The following CCND3 variants were observed in gnomAD, a reference collection of about 807,000 sequenced individuals.
CCND3 encodes G1/S-specific cyclin-D3.
In CCND3, 9 loss-of-function variants were observed where a neutral mutation model predicts 28.7. The ratio of observed to expected loss-of-function variants is 0.31; its 90% CI spans 0.19 to 0.55. The LOEUF is 0.55. CCND3 is among the 20% of genes least tolerant of loss of function. The probability of loss-of-function intolerance (pLI) is 0.93; values close to 1 mark genes in which losing one functional copy is unlikely to be tolerated. For synonymous variants in CCND3, 164 were observed against 163.9 expected, an observed-to-expected ratio of 1.00 and a Z score of 0.00; for missense variants, 315 against 385.8, an observed-to-expected ratio of 0.82 and a Z score of 1.54.
chr6:41,937,190 C>T (rs754219667), intron 3 of CCND3, 45 bp downstream of exon 3: 5 of 1,603,936 alleles, frequency 3.1e-6, no homozygotes, highest in Non-Finnish European at 4.3e-6. Context: ...CCTTATAAGT[C>T]TTCTGATTTT....
At chr6:42,046,676 C>G (rs994249067) in intron 1 of CCND3, among the ~76,000 whole-genome samples, 2 of 152,182 alleles carry the variant, frequency 1.3e-5, no homozygotes, top group African/African-American at 2.4e-5. Flanking sequence ...ACACAGCCAT[C>G]AGGAAAGGAT....
Position 41,936,149 on chromosome 6 carries a change from A to G in CCND3, c.712-42T>C. On this transcript the variant is annotated intron_variant, in intron 4 of 4. Coordinates refer to ENST00000372991, the MANE Select transcript of CCND3 (RefSeq NM_001760.5). The surrounding 1 kb of genome is among the most constrained non-coding windows in gnomAD (Gnocchi z 4.4). ...AGAGTGAGGAGCAAACACTCCCCCC[A>G]TAGCATCTGGCAGCAGGTGCAGGGG... 3 of 1,528,044 alleles carry G rather than the reference A, an allele frequency of 2.0e-6. No individual in the cohort carries two copies. Among genetic ancestry groups the G allele is most frequent in the Non-Finnish European group, 1.8e-6 (2 of 1,137,014 alleles). 94.7% of individuals were successfully genotyped at this position (1,528,044 alleles called of 1,614,324 possible).
chr6:41,987,315 G>A (rs970827496), intron 1 of CCND3, among the ~76,000 whole-genome samples: 4 of 151,974 alleles, frequency 2.6e-5, no homozygotes, highest in Admixed American at 6.6e-5. Context: ...GAAGGACCCC[G>A]ATATTGCTTC....
chr6:41,986,936 T>A (rs1762495192), intron 1 of CCND3, among the ~76,000 whole-genome samples: 1 of 152,084 alleles, frequency 6.6e-6, no homozygotes, highest in South Asian at 2.1e-4. Flanking sequence ...TGATAGCCAC[T>A]GCATTGTAGA....
chr6:41,985,986 T>C (rs527371741), intron 1 of CCND3, among the ~76,000 whole-genome samples: 1 of 152,064 alleles, frequency 6.6e-6, no homozygotes, highest in South Asian at 2.1e-4. Context: ...GATTTCATTC[T>C]TCTGCATGTG....
intron 1 of CCND3, among the ~76,000 whole-genome samples, chr6:42,002,456 ATGTATT>A (rs1763039333): frequency 6.8e-6 from 1 of 146,512 alleles, no homozygotes; most frequent in South Asian, 2.2e-4. Context: ...AAAAAAAACT[ATGTATT>A]TATTTTATGA....
chr6:42,044,668 A>G (rs1764477061), intron 1 of CCND3, among the ~76,000 whole-genome samples: 1 of 152,198 alleles, frequency 6.6e-6, no homozygotes, highest in Admixed American at 6.5e-5. Context: ...GCATACAGCT[A>G]TAGTATTCCT....
At chr6:42,018,642 A>C (rs1296925826) in intron 1 of CCND3, 1 of 152,182 alleles carries the variant, frequency 6.6e-6, no homozygotes, top group Non-Finnish European at 1.5e-5. Flanking sequence ...CTGTAATCCC[A>C]GCACTTTGGG....
chr6:42,032,466 G>A (rs1764072319), intron 1 of CCND3, among the ~76,000 whole-genome samples: 1 of 152,220 alleles, frequency 6.6e-6, no homozygotes, highest in Non-Finnish European at 1.5e-5. Context: ...AGAGGCCTGG[G>A]ATCTTTTGCA....
intron 1 of CCND3, among the ~76,000 whole-genome samples, chr6:42,016,210 C>T (rs911161044): frequency 6.6e-6 from 1 of 152,212 alleles, no homozygotes; most frequent in Non-Finnish European, 1.5e-5. Flanking sequence ...GCCAGGATTA[C>T]AGGCGTGAGC....
chr6:42,016,143 C>T (rs1228035430), intron 1 of CCND3, among the ~76,000 whole-genome samples: 1 of 152,056 alleles, frequency 6.6e-6, no homozygotes, highest in Admixed American at 6.6e-5. Context: ...CCATGTTGAC[C>T]TGGCTGGTCT....
In CCND3 at chr6:41,987,343, C is replaced by T. The variant is rs543135324; in HGVS notation, c.-45-46758G>A. ...ATTGCTTCCTATTGAGAGGTAGCAG[C>T]ACTTCAGAAAAGACTGGGTGCTTAT... is the stretch of plus-strand genomic sequence containing the variant. On this transcript the variant is annotated intron_variant, in intron 1 of 4. Coordinates refer to the CCND3 transcript ENST00000372988. Among the ~76,000 whole-genome samples, 34 of 152,034 alleles carry T rather than the reference C, an allele frequency of 2.2e-4. No homozygotes were observed. In the South Asian group the frequency reaches 6.6e-3, roughly 30 times the overall value.
intron 1 of CCND3, among the ~76,000 whole-genome samples, chr6:41,954,268 A>AAAAAAAAG (rs1776385837): frequency 7.3e-6 from 1 of 136,908 alleles, no homozygotes. Context: ...AAAAAAAAAA[A>AAAAAAAAG]AAAAAAAGGT....
chr6:41,979,661 A>ATGGATC, intron 1 of CCND3, among the ~76,000 whole-genome samples: 1 of 150,112 alleles, frequency 6.7e-6, no homozygotes, highest in Non-Finnish European at 1.5e-5. Context: ...ATATATGTAT[A>ATGGATC]TATATATATA....
At chr6:42,003,839 G>C (rs765386550) in intron 1 of CCND3, among the ~76,000 whole-genome samples, 3 of 150,764 alleles carry the variant, frequency 2.0e-5, no homozygotes, top group Non-Finnish European at 4.4e-5. Context: ...TTACTAAGGA[G>C]GCTGAGGTGG....
chr6:42,015,131 A>G (rs1763460100), intron 1 of CCND3, among the ~76,000 whole-genome samples: 1 of 152,188 alleles, frequency 6.6e-6, no homozygotes, highest in African/African-American at 2.4e-5. Flanking sequence ...TGAGGCTCAA[A>G]GAGGTTAAAA....
chr6:41,984,599 C>T (rs1476159281), intron 1 of CCND3, among the ~76,000 whole-genome samples: 1 of 152,116 alleles, frequency 6.6e-6, no homozygotes, highest in Non-Finnish European at 1.5e-5. Context: ...ACACCTGCCT[C>T]GGCCTCCCAA....
At chr6:41,966,256 G>A (rs763090219) in intron 1 of CCND3, among the ~76,000 whole-genome samples, 1 of 152,068 alleles carries the variant, frequency 6.6e-6, no homozygotes, top group Non-Finnish European at 1.5e-5. Context: ...AGAGATATCC[G>A]AGCTCCACAA....
chr6:41,946,595 CAAAAAAAAAAAAAAAA>C (rs35369019), upstream of CCND3, among the ~76,000 whole-genome samples: 1 of 20,932 alleles, frequency 4.8e-5, no homozygotes, highest in East Asian at 1.6e-3. Flanking sequence ...AGACCTGTCT[CAAAAAAAAAAAAAAAA>C]AAAAAAAAAA....
Sources: gnomAD v4.1 joint callset for allele counts (sites outside exome capture counted in the v4.1 genomes callset) on GRCh38, gnomAD v4.1.1 for gene constraint, Gnocchi (gnomAD v3.1) non-coding constraint, MANE v1.5 for transcripts, NCBI Gene and HGNC (gene_info 2026-07-23, HGNC 2026-07-21) for gene names.